The following STAM variants were observed in gnomAD, a reference collection of about 807,000 sequenced individuals.
STAM encodes signal transducing adaptor molecule.
A neutral mutation model predicts 63.4 loss-of-function variants in STAM; 16 were observed. That is an observed-to-expected ratio of 0.25 (90% CI 0.17 to 0.38). The LOEUF (loss-of-function observed/expected upper bound fraction) is 0.38. Among genes scored for constraint, STAM ranks in the 10% least tolerant of loss-of-function variants. STAM has a pLI of 1.00. For synonymous variants in STAM, 238 were observed against 223.9 expected, an observed-to-expected ratio of 1.06 and a Z score of -0.56; for missense variants, 636 against 657.1, an observed-to-expected ratio of 0.97 and a Z score of 0.35.
At chr10:17,663,226 A>G (rs1834243994) in intron 2 of STAM, among the ~76,000 whole-genome samples, 1 of 152,090 alleles carries the variant, frequency 6.6e-6, no homozygotes, top group African/African-American at 2.4e-5. Flanking sequence ...AATGTTTATT[A>G]TTATTTTCCC....
At chr10:17,654,214 GTTA>G (rs60228856) in intron 1 of STAM, among the ~76,000 whole-genome samples, 10 of 150,890 alleles carry the variant, frequency 6.6e-5, no homozygotes, top group South Asian at 2.1e-4. Flanking sequence ...AGGTATTATT[GTTA>G]TTATTATTAT....
At chr10:17,706,233 TTG>T (rs1554829238) in intron 12 of STAM, among the ~76,000 whole-genome samples, 6 of 120,262 alleles carry the variant, frequency 5.0e-5, no homozygotes, top group African/African-American at 1.7e-4. Context: ...TAGTTTTTTG[TTG>T]TTGTTGTTGT....
intron 5 of STAM, among the ~76,000 whole-genome samples, chr10:17,690,813 T>C (rs1554826682): frequency 1.3e-5 from 2 of 152,216 alleles, no homozygotes; most frequent in African/African-American, 4.8e-5. Flanking sequence ...TAACTTTTGA[T>C]GTAAAGATAG....
chr10:17,678,091 A>C (rs943334816), intron 2 of STAM, among the ~76,000 whole-genome samples: 3 of 152,208 alleles, frequency 2.0e-5, no homozygotes, highest in Admixed American at 2.0e-4. Context: ...TCATCATCCC[A>C]AAAAGAAAGC....
intron 1 of STAM, among the ~76,000 whole-genome samples, chr10:17,644,583 T>C (rs1382656835): frequency 6.6e-6 from 1 of 152,114 alleles, no homozygotes; most frequent in African/African-American, 2.4e-5. Context: ...TCCTGTGAAA[T>C]GGGCCTTGAG....
At chr10:17,684,612 G>A (rs1835219566) in intron 2 of STAM, 63 bp from the exon 3 acceptor site, 3 of 1,368,930 alleles carry the variant, frequency 2.2e-6, no homozygotes, top group Admixed American at 1.9e-5. Flanking sequence ...GTCTATAACA[G>A]TTAAGGGGCA....
At chr10:17,651,052 G>C (rs1333547168) in intron 1 of STAM, among the ~76,000 whole-genome samples, 2 of 127,112 alleles carry the variant, frequency 1.6e-5, no homozygotes, top group African/African-American at 3.1e-5. Context: ...GTGACAGAGC[G>C]AGAGTCCGTC....
intron 1 of STAM, among the ~76,000 whole-genome samples, chr10:17,651,355 G>A (rs1833734725): frequency 6.6e-6 from 1 of 152,234 alleles, no homozygotes; most frequent in Non-Finnish European, 1.5e-5. Flanking sequence ...CACCTGGCAT[G>A]TAGTAACCAA....
At chr10:17,688,306 G>A (rs1835378733) in intron 5 of STAM, 133 bp downstream of exon 5, 3 of 801,776 alleles carry the variant, frequency 3.7e-6, no homozygotes, top group South Asian at 3.1e-5. Flanking sequence ...AATTGTGTTA[G>A]TAACTAGTTG....
Position 17,705,572 on chromosome 10 carries a change from T to C in STAM, c.1056-16T>C. On this transcript the variant is annotated splice_polypyrimidine_tract_variant and intron_variant, in intron 11 of 13. Coordinates refer to ENST00000377524, the MANE Select transcript of STAM (RefSeq NM_003473.4). ...TTAGTAACAGCTATGCTTCAAATTA[T>C]TGTGTCATGTTTCAGAAAACATTCA... 3.7e-6 allele frequency: 6 copies of C among 1,605,850 alleles called. No individual in the cohort carries two copies. Among genetic ancestry groups the C allele is most frequent in the Non-Finnish European group, 5.1e-6 (6 of 1,177,128 alleles).
rs557554201 is a variant in STAM, at chr10:17,675,282, T to A, written c.126-9393T>A. Reference sequence around the variant, plus strand: ...CCTTTGGGAGGCCAAGGTGGGTGGATCACCTGAGGTCAGGAGTTTGAGACC... The same window carrying A: ...CCTTTGGGAGGCCAAGGTGGGTGGAACACCTGAGGTCAGGAGTTTGAGACC... On this transcript the variant is annotated intron_variant, in intron 2 of 13. Transcript: ENST00000377524. Among the ~76,000 whole-genome samples, 30 of 152,280 alleles carry A rather than the reference T, an allele frequency of 2.0e-4. 1 individual carries two copies. In the South Asian group the frequency reaches 6.2e-3, roughly 32 times the overall value.
intron 2 of STAM, among the ~76,000 whole-genome samples, chr10:17,674,926 A>C (rs1200042110): frequency 1.3e-5 from 2 of 150,170 alleles, no homozygotes; most frequent in South Asian, 2.1e-4. Flanking sequence ...TACTTGAGAC[A>C]CTCAATCCTT....
intron 13 of STAM, 121 bp from the exon 14 acceptor site, chr10:17,714,422 G>C (rs782072891): frequency 5.3e-6 from 5 of 950,794 alleles, no homozygotes; most frequent in Non-Finnish European, 6.6e-6. Context: ...TAGCTGTTTA[G>C]TAAAAGGTTA....
rs375739061 is a variant in STAM at position 17,668,367 on chromosome 10, A to G, written c.125+7819A>G. 5.3e-5 allele frequency among the ~76,000 whole-genome samples: 8 copies of G among 152,318 alleles called. No homozygotes were observed. In the East Asian group the frequency reaches 5.8e-4, roughly 11 times the overall value. ...TAGTACAGAGGTCAACTCCGACACA[A>G]TTTCCCCAATTATTCACATATTTCA... On this transcript the variant is annotated intron_variant, in intron 2 of 13. Coordinates refer to ENST00000377524, the MANE Select transcript of STAM (RefSeq NM_003473.4).
chr10:17,674,509 T>C (rs1554824444), intron 2 of STAM, among the ~76,000 whole-genome samples: 1 of 152,078 alleles, frequency 6.6e-6, no homozygotes, highest in African/African-American at 2.4e-5. Flanking sequence ...CAGGTGAAAC[T>C]CTTACCCAAG....
chr10:17,683,597 C>T (rs952222058), intron 2 of STAM, among the ~76,000 whole-genome samples: 1 of 151,968 alleles, frequency 6.6e-6, no homozygotes, highest in Non-Finnish European at 1.5e-5. Flanking sequence ...TCATTCTTAC[C>T]TGATTAATTC....
At chr10:17,713,687 C>T (rs930731556) in intron 13 of STAM, among the ~76,000 whole-genome samples, 3 of 152,112 alleles carry the variant, frequency 2.0e-5, no homozygotes, top group Non-Finnish European at 4.4e-5. Context: ...CTGACCCTTT[C>T]TCCCATCTCC....
intron 4 of STAM, among the ~76,000 whole-genome samples, chr10:17,686,470 G>A (rs1042210492): frequency 3.3e-5 from 5 of 149,936 alleles, no homozygotes; most frequent in African/African-American, 7.4e-5. Flanking sequence ...TCTGCCTCCC[G>A]GGTTCAAGTG....
intron 1 of STAM, among the ~76,000 whole-genome samples, chr10:17,651,142 A>G (rs1371434910): frequency 6.7e-6 from 1 of 150,166 alleles, no homozygotes; most frequent in African/African-American, 2.4e-5. Context: ...TCAGCAGGGC[A>G]TGTAAGGCCT....
Sources: gnomAD v4.1 joint callset for allele counts (sites outside exome capture counted in the v4.1 genomes callset) on GRCh38, gnomAD v4.1.1 for gene constraint, MANE v1.5 for transcripts, NCBI Gene and HGNC (gene_info 2026-07-23, HGNC 2026-07-21) for gene names.